The following ANO4 variants were observed in gnomAD, a reference collection of about 807,000 sequenced individuals.
The protein encoded by ANO4 is anoctamin 4.
ANO4 carries 69 observed loss-of-function variants against 141.9 expected under a neutral mutation model. The ratio of observed to expected loss-of-function variants is 0.49; its 90% confidence interval spans 0.40 to 0.59. The LOEUF is 0.59. ANO4 is among the 20% of genes least tolerant of loss of function. The probability of loss-of-function intolerance (pLI) is 0.00; values close to 1 mark genes in which losing one functional copy is unlikely to be tolerated. For synonymous variants in ANO4, 350 were observed against 394.3 expected, an observed-to-expected ratio of 0.89 and a Z score of 1.33; for missense variants, 894 against 1,162.2, an observed-to-expected ratio of 0.77 and a Z score of 3.36.
At chr12:100,877,844 T>C (rs1161236190) in intron 1 of ANO4, among the ~76,000 whole-genome samples, 2 of 152,170 alleles carry the variant, frequency 1.3e-5, no homozygotes, top group African/African-American at 4.8e-5. Flanking sequence ...AGTAACTTGC[T>C]AGTAATGGAC....
chr12:101,032,382 C>G (rs1300347655), intron 9 of ANO4, among the ~76,000 whole-genome samples: 2 of 152,288 alleles, frequency 1.3e-5, no homozygotes, highest in Non-Finnish European at 2.9e-5. Flanking sequence ...TAGCCATATG[C>G]AGAAAATTGA....
chr12:101,083,368 T>A (rs911034780), intron 15 of ANO4, among the ~76,000 whole-genome samples: 2 of 152,234 alleles, frequency 1.3e-5, no homozygotes, highest in African/African-American at 4.8e-5. Context: ...GGACAGCTTG[T>A]CCCTTTTAAA....
At chr12:100,970,526 G>A (rs1484757714) in intron 5 of ANO4, among the ~76,000 whole-genome samples, 1 of 152,100 alleles carries the variant, frequency 6.6e-6, no homozygotes, top group Non-Finnish European at 1.5e-5. Context: ...CACTTCCACA[G>A]AGGAGACTTT....
chr12:100,780,289 G>A (rs2033673709), intron 3 of ANO4, among the ~76,000 whole-genome samples: 1 of 152,186 alleles, frequency 6.6e-6, no homozygotes, highest in African/African-American at 2.4e-5. Context: ...GAATTCAAGA[G>A]CAAGCTGACA....
At chr12:100,865,197 G>T (rs2038691072) in intron 1 of ANO4, among the ~76,000 whole-genome samples, 1 of 152,150 alleles carries the variant, frequency 6.6e-6, no homozygotes, top group Admixed American at 6.6e-5. Context: ...GATCCTTGAG[G>T]AATCGCCACA....
chr12:101,105,675 T>C (rs190804635), intron 22 of ANO4, among the ~76,000 whole-genome samples: 170 of 152,286 alleles, frequency 1.1e-3, no homozygotes, highest in African/African-American at 3.9e-3. Flanking sequence ...ACAGAGACTT[T>C]CAAATAGCTA....
chr12:101,002,854 A>G lies in ANO4; in HGVS notation c.734+15184A>G, dbSNP rs147677333. The stretch of plus-strand genomic sequence containing the variant: ...CAGACTAAGTTTCTCAAAGGACATA[A>G]AGGGAAACCATATCCTCAGCATCCA... On this transcript the variant is annotated intron_variant, in intron 8 of 27. Coordinates refer to ENST00000392977, the MANE Select transcript of ANO4 (RefSeq NM_001286615.2). Among the ~76,000 whole-genome samples the G allele has an allele frequency of 1.3e-3, 200 of 152,310 alleles. 1 individual carries two copies. Among genetic ancestry groups the G allele is most frequent in the African/African-American group, 4.6e-3 (191 of 41,566 alleles).
At chr12:100,891,504 C>A (rs961081314) in intron 1 of ANO4, among the ~76,000 whole-genome samples, 3 of 152,128 alleles carry the variant, frequency 2.0e-5, no homozygotes, top group African/African-American at 7.2e-5. Context: ...GTGTTTTTGA[C>A]TTTCACTATT....
chr12:100,809,898 C>T (rs936085113), intron 1 of ANO4, among the ~76,000 whole-genome samples: 4 of 152,082 alleles, frequency 2.6e-5, no homozygotes, highest in African/African-American at 9.7e-5. Flanking sequence ...AGGACAGTGA[C>T]ATTAGGAATG....
In ANO4 at chr12:101,110,358, A is replaced by G. The variant is rs1322231249; in HGVS notation, c.2150-46A>G. 3 of 1,523,668 alleles carry G rather than the reference A, an allele frequency of 2.0e-6. 1 individual carries two copies. The South Asian group carries it at 4.1e-5, about 21-fold the overall frequency. The allele number at this position is 1,523,668 out of a possible 1,614,324, so 94.4% of individuals were successfully genotyped here. ...GATTATGATCCCTTTGAAAATAGTAATGGAAAACCAATACTCTCTGCTCTT... is the reference window on the plus strand; with the variant it reads ...GATTATGATCCCTTTGAAAATAGTAGTGGAAAACCAATACTCTCTGCTCTT... On this transcript the variant is annotated intron_variant, in intron 22 of 27. Transcript: ENST00000392977.
chr12:100,818,407 T>G (rs1178220693), intron 1 of ANO4, among the ~76,000 whole-genome samples: 1 of 151,902 alleles, frequency 6.6e-6, no homozygotes, highest in Non-Finnish European at 1.5e-5. Flanking sequence ...GCCCCCTTTT[T>G]GTGCTGGTTT....
chr12:100,781,785 T>C (rs2033719101), intron 3 of ANO4, among the ~76,000 whole-genome samples: 1 of 152,210 alleles, frequency 6.6e-6, no homozygotes. Flanking sequence ...AGACAGCATT[T>C]AATTAATGAT....
At chr12:100,883,580 A>G (rs1273801170) in intron 1 of ANO4, among the ~76,000 whole-genome samples, 1 of 152,210 alleles carries the variant, frequency 6.6e-6, no homozygotes, top group Admixed American at 6.5e-5. Flanking sequence ...AATAGTAATG[A>G]CATGTTTATT....
intron 2 of ANO4, among the ~76,000 whole-genome samples, chr12:100,918,274 C>T (rs1385019447): frequency 6.6e-6 from 1 of 152,148 alleles, no homozygotes; most frequent in Non-Finnish European, 1.5e-5. Context: ...TTGCAGTAAG[C>T]TGTGTTCGCA....
intron 8 of ANO4, among the ~76,000 whole-genome samples, chr12:100,989,420 G>A (rs1397901003): frequency 6.6e-6 from 1 of 152,224 alleles, no homozygotes; most frequent in Non-Finnish European, 1.5e-5. Flanking sequence ...CCGGAATGAT[G>A]TCTGGTTTAC....
At chr12:100,949,308 A>T (rs2042875185) in intron 5 of ANO4, among the ~76,000 whole-genome samples, 1 of 152,218 alleles carries the variant, frequency 6.6e-6, no homozygotes, top group South Asian at 2.1e-4. Context: ...TTATTATGCA[A>T]CAATAGATAA....
chr12:100,889,544 A>T (rs2040004810), intron 1 of ANO4, among the ~76,000 whole-genome samples: 1 of 152,228 alleles, frequency 6.6e-6, no homozygotes, highest in South Asian at 2.1e-4. Context: ...ACAAATTTAC[A>T]AGAAAAAAAC....
intron 26 of ANO4, 38 bp downstream of exon 26, chr12:101,120,663 A>G (rs1566277432): frequency 6.6e-7 from 1 of 1,524,686 alleles, no homozygotes; most frequent in Non-Finnish European, 9.1e-7. Context: ...TTCCTTTGAC[A>G]TAATGAAGTC....
chr12:100,803,783 G>A (rs2034832742), intron 1 of ANO4, among the ~76,000 whole-genome samples: 1 of 152,110 alleles, frequency 6.6e-6, no homozygotes, highest in African/African-American at 2.4e-5. Context: ...TGTTATGAGT[G>A]ATAAATGAAA....
Sources: gnomAD v4.1 joint callset for allele counts (sites outside exome capture counted in the v4.1 genomes callset) on GRCh38, gnomAD v4.1.1 for gene constraint, MANE v1.5 for transcripts, NCBI Gene and HGNC (gene_info 2026-07-23, HGNC 2026-07-21) for gene names.